Variants in MACROD2 observed in about 807,000 individuals in gnomAD.
The protein encoded by MACROD2 is ADP-ribose glycohydrolase MACROD2.
A neutral mutation model predicts 70.4 loss-of-function variants in MACROD2; 36 were observed. The observed-to-expected ratio is 0.51, with a 90% CI of 0.39 to 0.68. The LOEUF (loss-of-function observed/expected upper bound fraction) is 0.68, where lower values mean the gene tolerates loss of function less well. Ranked by LOEUF, MACROD2 falls within the 30% of genes least tolerant of loss-of-function variation. MACROD2 has a pLI of 0.00. For synonymous variants in MACROD2, 172 were observed against 178.8 expected, an observed-to-expected ratio of 0.96 and a Z score of 0.30; for missense variants, 496 against 538.4, an observed-to-expected ratio of 0.92 and a Z score of 0.78.
rs374915226 is a variant in MACROD2 at position 15,673,504 on chromosome 20, G to A, written c.645+173657G>A. Reference sequence around the variant, plus strand: ...TTCCACTAAATCCCAATCTTCATAAGTGGAAGCCCAAGAATCTCTATTAAA... The same window carrying A: ...TTCCACTAAATCCCAATCTTCATAAATGGAAGCCCAAGAATCTCTATTAAA... On this transcript the variant is annotated intron_variant, in intron 8 of 17. Coordinates refer to ENST00000684519, the MANE Select transcript of MACROD2 (RefSeq NM_001351661.2). Among the ~76,000 whole-genome samples, 391 of 152,226 alleles carry A rather than the reference G, an allele frequency of 2.6e-3. 2 individuals are homozygous for A. Among genetic ancestry groups the A allele is most frequent in the Non-Finnish European group, 4.2e-3 (285 of 68,018 alleles).
intron 8 of MACROD2, among the ~76,000 whole-genome samples, chr20:15,555,333 T>C (rs1240528065): frequency 6.6e-6 from 1 of 152,202 alleles, no homozygotes; most frequent in Non-Finnish European, 1.5e-5. Context: ...GTCCTGCTTG[T>C]AGACTATCAT....
At chr20:15,356,845 G>A (rs1214779798) in intron 6 of MACROD2, among the ~76,000 whole-genome samples, 1 of 152,156 alleles carries the variant, frequency 6.6e-6, no homozygotes, top group Non-Finnish European at 1.5e-5. Flanking sequence ...ATGATAATTT[G>A]TCCTGTAGCC....
intron 6 of MACROD2, among the ~76,000 whole-genome samples, chr20:15,250,712 C>T (rs1471244188): frequency 6.6e-6 from 1 of 152,150 alleles, no homozygotes; most frequent in Non-Finnish European, 1.5e-5. Flanking sequence ...ACCTGCCTCC[C>T]TTCTTATCCT....
intron 8 of MACROD2, among the ~76,000 whole-genome samples, chr20:15,590,957 GAAAA>G (rs1555844856): frequency 2.2e-5 from 2 of 92,536 alleles, no homozygotes; most frequent in African/African-American, 5.8e-5. Flanking sequence ...AAGAAAGAAA[GAAAA>G]AGAAAGAAAG....
At chr20:15,165,288 T>C (rs999847169) in intron 5 of MACROD2, among the ~76,000 whole-genome samples, 2 of 152,164 alleles carry the variant, frequency 1.3e-5, no homozygotes, top group Admixed American at 1.3e-4. Flanking sequence ...AAACCCCATC[T>C]CTACTAAAAA....
intron 4 of MACROD2, among the ~76,000 whole-genome samples, chr20:14,613,837 A>G (rs1001388743): frequency 3.3e-5 from 5 of 152,132 alleles, no homozygotes; most frequent in African/African-American, 1.2e-4. Context: ...AAATTTTTAA[A>G]CATATATCAT....
intron 7 of MACROD2, among the ~76,000 whole-genome samples, chr20:15,472,669 T>G (rs1216825760): frequency 1.3e-5 from 2 of 152,168 alleles, no homozygotes; most frequent in African/African-American, 4.8e-5. Flanking sequence ...TTTCCCACCT[T>G]TTCCCCTCTT....
At chr20:14,797,611 A>C (rs1025284431) in intron 5 of MACROD2, among the ~76,000 whole-genome samples, 2 of 152,040 alleles carry the variant, frequency 1.3e-5, no homozygotes, top group African/African-American at 2.4e-5. Context: ...ACATTTCCTC[A>C]TGAAGTCTTC....
intron 15 of MACROD2, among the ~76,000 whole-genome samples, chr20:16,022,798 T>C (rs2067022105): frequency 6.6e-6 from 1 of 152,212 alleles, no homozygotes; most frequent in South Asian, 2.1e-4. Context: ...TATAACGATT[T>C]CAGAGCTATA....
At chr20:15,162,102 GTC>G (rs1168277884) in intron 5 of MACROD2, among the ~76,000 whole-genome samples, 3 of 152,060 alleles carry the variant, frequency 2.0e-5, no homozygotes, top group African/African-American at 7.2e-5. Context: ...ATCGTGAAGA[GTC>G]TTACAGCTGA....
chr20:15,118,399 G>T (rs557079257), intron 5 of MACROD2, among the ~76,000 whole-genome samples: 1 of 152,074 alleles, frequency 6.6e-6, no homozygotes, highest in East Asian at 1.9e-4. Context: ...CACCATGTTG[G>T]TCAGGATGGT....
At chr20:15,093,429 C>A (rs1568569575) in intron 5 of MACROD2, among the ~76,000 whole-genome samples, 1 of 151,918 alleles carries the variant, frequency 6.6e-6, no homozygotes, top group Admixed American at 6.6e-5. Flanking sequence ...TTTCTCATTT[C>A]TTTGCTCCAA....
intron 7 of MACROD2, among the ~76,000 whole-genome samples, chr20:15,438,150 C>T (rs1164709891): frequency 2.0e-5 from 3 of 148,532 alleles, no homozygotes; most frequent in Non-Finnish European, 3.0e-5. Flanking sequence ...AACAAAACTC[C>T]GTAAAAAAAA....
intron 8 of MACROD2, among the ~76,000 whole-genome samples, chr20:15,665,992 A>C (rs2049892748): frequency 6.6e-6 from 1 of 151,926 alleles, no homozygotes; most frequent in Non-Finnish European, 1.5e-5. Context: ...AAAATAGTAA[A>C]AAAAAAAAGT....
chr20:14,593,279 A>G (rs935476579), intron 4 of MACROD2, among the ~76,000 whole-genome samples: 4 of 152,210 alleles, frequency 2.6e-5, no homozygotes, highest in Non-Finnish European at 5.9e-5. Flanking sequence ...AGATGTTTTT[A>G]AGAGTACAGA....
intron 8 of MACROD2, among the ~76,000 whole-genome samples, chr20:15,512,629 A>G (rs1320649998): frequency 6.6e-6 from 1 of 152,188 alleles, no homozygotes; most frequent in Non-Finnish European, 1.5e-5. Flanking sequence ...CATTAAGCAT[A>G]GCGGCAAGAG....
At chr20:15,074,928 T>C (rs1174171269) in intron 5 of MACROD2, among the ~76,000 whole-genome samples, 2 of 152,156 alleles carry the variant, frequency 1.3e-5, no homozygotes, top group East Asian at 3.8e-4. Context: ...CCATTAAGAA[T>C]CTTACCAACT....
chr20:14,515,944 A>G (rs406307), intron 4 of MACROD2, among the ~76,000 whole-genome samples: 121,619 of 148,126 alleles, frequency 0.82, 50,340 homozygotes, highest in East Asian at 1. Flanking sequence ...AAAACATTAC[A>G]TTGTACATTA....
chr20:15,931,926 A>G (rs768061277), intron 10 of MACROD2, among the ~76,000 whole-genome samples: 2 of 152,090 alleles, frequency 1.3e-5, no homozygotes, highest in South Asian at 2.1e-4. Flanking sequence ...CAGCTCTGCT[A>G]CTAGTGGCCT....
Sources: gnomAD v4.1 joint callset for allele counts (sites outside exome capture counted in the v4.1 genomes callset) on GRCh38, gnomAD v4.1.1 for gene constraint, MANE v1.5 for transcripts, NCBI Gene and HGNC (gene_info 2026-07-23, HGNC 2026-07-21) for gene names.